The following UBAP2 variants were observed in gnomAD, a reference collection of about 807,000 sequenced individuals.
UBAP2 encodes ubiquitin associated protein 2, also known as ubiquitin-associated protein 2.
UBAP2 carries 75 observed loss-of-function variants against 139.6 expected under a neutral mutation model. That is an observed-to-expected ratio of 0.54 (90% CI 0.45 to 0.65). The LOEUF is 0.65. Among genes scored for constraint, UBAP2 ranks in the 30% least tolerant of loss-of-function variants. UBAP2 has a pLI of 0.00. For missense variants in UBAP2, 1,368 were observed against 1,369.6 expected, an observed-to-expected ratio of 1.00 and a Z score of 0.02; for synonymous variants, 526 against 526.2, an observed-to-expected ratio of 1.00 and a Z score of 0.01.
intron 1 of UBAP2, among the ~76,000 whole-genome samples, chr9:34,045,791 G>C (rs1437797003): frequency 6.6e-6 from 1 of 152,164 alleles, no homozygotes; most frequent in Non-Finnish European, 1.5e-5. Flanking sequence ...TGATAAATTT[G>C]ATTCTTTGAG....
chr9:33,941,369 G>C (rs1416332145), intron 16 of UBAP2, among the ~76,000 whole-genome samples: 2 of 152,112 alleles, frequency 1.3e-5, no homozygotes, highest in Non-Finnish European at 2.9e-5. Flanking sequence ...AGATATTTCA[G>C]ACAATGTAGA....
chr9:33,998,803 T>A lies in UBAP2; in HGVS notation c.161A>T (p.Glu54Val), dbSNP rs1179942354. ...VIFDKNDSDFEAKVKQLMEVT... is the reference protein window; with the variant it reads ...VIFDKNDSDFVAKVKQLMEVT... ...GAAACATACCTGCTTAACTTTAGCT[T>A]CAAAATCTGAATCATTCTTATCAAA... Residue 54 changes from glutamate (E) to valine (V), a missense_variant, in exon 3 of 29, where the codon GAA (glutamate) becomes GTA (valine). Coordinates refer to ENST00000379238, the MANE Select transcript of UBAP2 (RefSeq NM_001370062.2). 2 of 1,612,518 alleles carry A rather than the reference T, an allele frequency of 1.2e-6. No individual in the cohort carries two copies. Among genetic ancestry groups the A allele is most frequent in the Non-Finnish European group, 8.5e-7 (1 of 1,179,782 alleles).
intron 2 of UBAP2, among the ~76,000 whole-genome samples, chr9:34,009,392 C>A (rs1823542764): frequency 6.6e-6 from 1 of 151,852 alleles, no homozygotes; most frequent in Admixed American, 6.6e-5. Context: ...AGCCACCACA[C>A]CTGGCCAAAA....
intron 4 of UBAP2, chr9:33,994,442 T>A (rs1311396335): frequency 3.4e-5 from 5 of 148,290 alleles, no homozygotes. Context: ...TTTGGGTTAT[T>A]TTGTTTATTC....
At chr9:33,949,008 T>TA (rs1825871896) in intron 12 of UBAP2, 1 of 159,390 alleles carries the variant, frequency 6.3e-6, no homozygotes, top group Non-Finnish European at 1.4e-5. Context: ...CTACTAAAAA[T>TA]ACAAAAAAAT....
chr9:33,949,394 T>C (rs996177263), intron 12 of UBAP2, among the ~76,000 whole-genome samples: 11 of 151,968 alleles, frequency 7.2e-5, no homozygotes, highest in Non-Finnish European at 1.5e-4. Flanking sequence ...CAGTGTGAGA[T>C]GACCCTGCAA....
chr9:33,923,540 C>A, intron 24 of UBAP2, 62 bp from the exon 25 acceptor site: 1 of 1,528,366 alleles, frequency 6.5e-7, no homozygotes, highest in Non-Finnish European at 9.1e-7. Context: ...TGGTCAGGTA[C>A]CCCTGCCAGA....
At chr9:33,976,052 C>A (rs1283421744) in intron 6 of UBAP2, among the ~76,000 whole-genome samples, 1 of 151,958 alleles carries the variant, frequency 6.6e-6, no homozygotes, top group African/African-American at 2.4e-5. Context: ...GCCACCTCTA[C>A]AATAAATTTT....
chr9:34,026,469 G>GC (rs769736550), intron 1 of UBAP2, among the ~76,000 whole-genome samples: 165 of 152,240 alleles, frequency 1.1e-3, no homozygotes, highest in Non-Finnish European at 1.8e-3. Flanking sequence ...TGTTAAAGAA[G>GC]CAAGTCTTCA....
At position 34,038,399 on chromosome 9, in the gene UBAP2, CG is replaced by C. The variant is rs1826659575; in HGVS notation, c.-42+10425del. ...ACCTCCCTGCCTGATTCTCCTGCCT[CG>C]GCCTGCCAAGTGCCTGCGATTGCAG... is the stretch of plus-strand genomic sequence containing the variant. On this transcript the variant is annotated intron_variant, in intron 1 of 28. Transcript: ENST00000379238. Among the ~76,000 whole-genome samples the C allele has an allele frequency of 7.2e-5, 11 of 152,326 alleles. No homozygotes were observed. The South Asian group carries it at 2.3e-3, about 32-fold the overall frequency.
At chr9:33,940,077 AAAG>A (rs1300643520) in intron 16 of UBAP2, among the ~76,000 whole-genome samples, 7 of 151,752 alleles carry the variant, frequency 4.6e-5, no homozygotes, top group East Asian at 1.9e-4. Context: ...AAGAAAAGAA[AAAG>A]AAGAAAAAAA....
Position 33,944,463 on chromosome 9 carries a change from G to A in UBAP2, c.1447C>T (p.Leu483Phe). ...ATATTTTCAATGGTCGTGCTGGGAA[G>A]CTGCAAAAGCTTGTTCACAGTGGAG... is the stretch of plus-strand genomic sequence containing the variant. ...SPSTVNKLLQLPSTTIENISV... is the reference protein window; with the variant it reads ...SPSTVNKLLQFPSTTIENISV... Residue 483 changes from leucine to phenylalanine, a missense_variant, in exon 14 of 29, where the codon CTT becomes TTT. By Grantham distance (22) the Leu-to-Phe change is conservative. Coordinates refer to ENST00000379238, the MANE Select transcript of UBAP2 (RefSeq NM_001370062.2). 1 of 1,614,164 alleles carries A rather than the reference G, an allele frequency of 6.2e-7. No homozygotes were observed. Among genetic ancestry groups the A allele is most frequent in the Non-Finnish European group, 8.5e-7 (1 of 1,180,040 alleles).
intron 6 of UBAP2, among the ~76,000 whole-genome samples, chr9:33,986,323 C>T (rs1183259409): frequency 6.6e-6 from 1 of 152,054 alleles, no homozygotes; most frequent in Non-Finnish European, 1.5e-5. Context: ...AAGATGACTA[C>T]TTAACAATTA....
chr9:34,029,634 G>A (rs994422037), intron 1 of UBAP2, among the ~76,000 whole-genome samples: 35 of 151,940 alleles, frequency 2.3e-4, no homozygotes, highest in Admixed American at 2.3e-3. Context: ...TCAGGAGTTC[G>A]AGACCAGCCT....
intron 1 of UBAP2, among the ~76,000 whole-genome samples, chr9:34,029,145 C>T (rs1825666047): frequency 1.3e-5 from 2 of 151,940 alleles, no homozygotes; most frequent in South Asian, 4.1e-4. Context: ...CTTAACAGTT[C>T]CTAAAGAAAT....
chr9:34,003,722 T>C (rs1822931316), intron 2 of UBAP2, among the ~76,000 whole-genome samples: 1 of 150,512 alleles, frequency 6.6e-6, no homozygotes, highest in Admixed American at 6.6e-5. Context: ...AAGATTTCTT[T>C]CTTTTGTTTT....
intron 2 of UBAP2, among the ~76,000 whole-genome samples, chr9:34,006,897 A>G (rs550477251): frequency 6.6e-6 from 1 of 152,318 alleles, no homozygotes; most frequent in South Asian, 2.1e-4. Flanking sequence ...GTGACTACTG[A>G]ACATATTATT....
At chr9:33,995,337 G>T (rs903611543) in intron 4 of UBAP2, 1 of 65,668 alleles carries the variant, frequency 1.5e-5, no homozygotes, top group African/African-American at 5.3e-5. Context: ...AGCCTGGGTG[G>T]CAGAGTGAGG....
intron 2 of UBAP2, among the ~76,000 whole-genome samples, chr9:34,016,164 G>A (rs913524165): frequency 6.7e-6 from 1 of 149,082 alleles, no homozygotes; most frequent in Non-Finnish European, 1.5e-5. Flanking sequence ...AAAGGGGAGA[G>A]GAGGAGGAGG....
Sources: allele counts gnomAD v4.1 joint callset (sites outside exome capture counted in the v4.1 genomes callset), GRCh38; gene constraint gnomAD v4.1.1; transcripts MANE v1.5; gene names NCBI Gene and HGNC (gene_info 2026-07-23, HGNC 2026-07-21).